Variants in ITGA1 observed in about 807,000 individuals in gnomAD.
The protein encoded by ITGA1 is integrin subunit alpha 1.
In ITGA1, 85 loss-of-function variants were observed where a neutral mutation model predicts 145.9. That is an observed-to-expected ratio of 0.58 (90% CI 0.49 to 0.70). The LOEUF (loss-of-function observed/expected upper bound fraction) is 0.70. ITGA1 is among the 30% of genes least tolerant of loss of function. ITGA1 has a pLI of 0.00. For missense variants in ITGA1, 1,351 were observed against 1,418.7 expected (o/e 0.95, Z 0.77); for synonymous variants, 520 against 495.3 (o/e 1.05, Z -0.66).
At chr5:52,819,216 C>T (rs1316315302) in intron 1 of ITGA1, among the ~76,000 whole-genome samples, 26 of 152,308 alleles carry the variant, frequency 1.7e-4, no homozygotes, top group Admixed American at 1.7e-3. Flanking sequence ...CCTGAGGAAT[C>T]ACCACACTGA....
At chr5:52,817,307 T>A (rs1748792412) in intron 1 of ITGA1, among the ~76,000 whole-genome samples, 1 of 152,192 alleles carries the variant, frequency 6.6e-6, no homozygotes, top group Non-Finnish European at 1.5e-5. Context: ...ACTAAGTGAT[T>A]TTGTGACCTT....
rs1353853875 is a variant in ITGA1 at position 52,955,351 on chromosome 5, A to T, written c.*2900A>T. On this transcript the variant is annotated 3_prime_UTR_variant, in exon 29 of 29. Transcript: ENST00000282588. ...GAGACAGATTACACGATAGACAGAT[A>T]GATAGATAGATAGATAGATAGATAG... 2.3e-4 allele frequency: 1 copy of T among 4,434 alleles called. No homozygotes were observed. Among genetic ancestry groups the T allele is most frequent in the Non-Finnish European group, 7.1e-4 (1 of 1,412 alleles). 0.3% of individuals were successfully genotyped at this position (4,434 alleles called of 1,614,324 possible).
Position 52,927,764 on chromosome 5 carries a change from C to T in ITGA1, c.2694+100C>T, listed in dbSNP as rs114301503. On this transcript the variant is annotated intron_variant, in intron 20 of 28. Coordinates refer to ENST00000282588, the MANE Select transcript of ITGA1 (RefSeq NM_181501.2). ...CTTCCAATGGTAGTTTAGGATAATA[C>T]GGATGAAAAATGTTCAGTTCAAAAT... 1,023 of 773,006 alleles carry T rather than the reference C, an allele frequency of 1.3e-3. 6 individuals carry two copies. In the African/African-American group the frequency reaches 0.016, roughly 12 times the overall value. The allele number at this position is 773,006 out of a possible 1,614,324, so 47.9% of individuals were successfully genotyped here.
chr5:52,887,748 A>T, intron 7 of ITGA1, 67 bp from the exon 8 acceptor site: 1 of 1,458,964 alleles, frequency 6.9e-7, no homozygotes, highest in Non-Finnish European at 9.2e-7. Context: ...GTTTTTGTTT[A>T]GTTTTTTACT....
chr5:52,916,376 C>T lies in ITGA1; in HGVS notation c.1988+782C>T, dbSNP rs2456215. Among the ~76,000 whole-genome samples the T allele has an allele frequency of 9.2e-3, 1,392 of 151,772 alleles. 62 individuals carry two copies. The East Asian group carries it at 0.14, about 15-fold the overall frequency. ...ATGCCAGGTGACTTTATGGGAAGTC[C>T]GCATGTTGATTCTCCTAAATTAATG... On this transcript the variant is annotated intron_variant, in intron 15 of 28. Transcript: ENST00000282588.
chr5:52,789,343 AT>A (rs1748194443), intron 1 of ITGA1, among the ~76,000 whole-genome samples: 1 of 152,102 alleles, frequency 6.6e-6, no homozygotes, highest in African/African-American at 2.4e-5. Flanking sequence ...TTAACATATC[AT>A]TGATATTCAA....
At chr5:52,804,573 T>G (rs1213155933) in intron 1 of ITGA1, among the ~76,000 whole-genome samples, 1 of 152,202 alleles carries the variant, frequency 6.6e-6, no homozygotes, top group African/African-American at 2.4e-5. Flanking sequence ...GTCTCTAACT[T>G]TAGTTTCCTT....
At chr5:52,835,662 G>T (rs1351616466) in intron 1 of ITGA1, among the ~76,000 whole-genome samples, 1 of 152,130 alleles carries the variant, frequency 6.6e-6, no homozygotes, top group East Asian at 1.9e-4. Flanking sequence ...ATGTGTGTGT[G>T]TATATATTTT....
At chr5:52,865,554 A>G in intron 5 of ITGA1, 136 bp from the exon 6 acceptor site, 3 of 641,830 alleles carry the variant, frequency 4.7e-6, no homozygotes, top group Non-Finnish European at 7.2e-6. Flanking sequence ...ACTATTTTTT[A>G]TTGCTAAAAC....
At chr5:52,823,766 G>A (rs1347182398) in intron 1 of ITGA1, among the ~76,000 whole-genome samples, 1 of 152,202 alleles carries the variant, frequency 6.6e-6, no homozygotes, top group Non-Finnish European at 1.5e-5. Flanking sequence ...GGAAAAGAAA[G>A]AATTGGAAAC....
At chr5:52,797,181 GA>G (rs200946928) in intron 1 of ITGA1, among the ~76,000 whole-genome samples, 22 of 147,242 alleles carry the variant, frequency 1.5e-4, no homozygotes, top group East Asian at 1.2e-3. Flanking sequence ...AATTACTAAG[GA>G]AAAAAAAAAG....
intron 6 of ITGA1, among the ~76,000 whole-genome samples, chr5:52,877,868 C>G (rs866453118): frequency 2.6e-5 from 4 of 152,184 alleles, no homozygotes; most frequent in Non-Finnish European, 4.4e-5. Flanking sequence ...TGCAGGGACA[C>G]AGTTGACAGC....
intron 20 of ITGA1, among the ~76,000 whole-genome samples, chr5:52,929,179 G>C (rs1253552337): frequency 6.6e-6 from 1 of 152,160 alleles, no homozygotes; most frequent in African/African-American, 2.4e-5. Context: ...GGTAGATCTA[G>C]TGTCTGGTGA....
chr5:52,910,983 G>A (rs367570208), intron 14 of ITGA1, among the ~76,000 whole-genome samples: 14 of 66,058 alleles, frequency 2.1e-4, no homozygotes, highest in Non-Finnish European at 2.1e-4. Context: ...TATATAGTAT[G>A]TATACTATAT....
In ITGA1 at chr5:52,898,343, T is replaced by G; in HGVS notation, c.1269T>G (p.Val423=). The G allele has an allele frequency of 6.2e-7, 1 of 1,610,202 alleles. No homozygotes were observed. The highest frequency in any genetic ancestry group is 1.1e-5 in the South Asian group (1 of 90,466). ...IIIPRNTTFN[V]ESTKKNEPLA... ...TCCCTCGAAACACAACCTTTAATGT[T>G]GAGTCTACCAAAAAGAATGAACCGC... The change falls in exon 11 of 29, where the codon GTT becomes GTG. Residue 423 remains valine (V), a synonymous_variant. Transcript: ENST00000282588.
Position 52,957,099 on chromosome 5 carries a change from C to G in ITGA1, c.*4648C>G, listed in dbSNP as rs1443030222. ...CGAACAAATCAGCATCTTTGATCCT[C>G]AGGTTAAAATTTAATCTTAAATTTA... On this transcript the variant is annotated 3_prime_UTR_variant, in exon 29 of 29. Transcript: ENST00000282588. 6.6e-6 allele frequency: 1 copy of G among 152,178 alleles called. No homozygotes were observed. The highest frequency in any genetic ancestry group is 1.5e-5 in the Non-Finnish European group (1 of 68,040). 9.4% of individuals were successfully genotyped at this position (152,178 alleles called of 1,614,324 possible).
intron 6 of ITGA1, among the ~76,000 whole-genome samples, chr5:52,878,281 A>G (rs113946571): frequency 1.3e-5 from 2 of 152,346 alleles, no homozygotes; most frequent in African/African-American, 4.8e-5. Flanking sequence ...ATAAGGGAAT[A>G]GGCAGTTATA....
chr5:52,803,192 A>G (rs963312944), intron 1 of ITGA1: 2 of 152,134 alleles, frequency 1.3e-5, no homozygotes, highest in Non-Finnish European at 2.9e-5. Context: ...TAAACTTCCT[A>G]ACTAGTCTGA....
At chr5:52,822,760 G>C (rs1338344323) in intron 1 of ITGA1, among the ~76,000 whole-genome samples, 1 of 152,198 alleles carries the variant, frequency 6.6e-6, no homozygotes, top group Non-Finnish European at 1.5e-5. Flanking sequence ...ACACCCCAGG[G>C]ACACATAATG....
Sources: gnomAD v4.1 joint callset for allele counts (sites outside exome capture counted in the v4.1 genomes callset) on GRCh38, gnomAD v4.1.1 for gene constraint, MANE v1.5 for transcripts, NCBI Gene and HGNC (gene_info 2026-07-23, HGNC 2026-07-21) for gene names.